The following CEP78 variants were observed in gnomAD, a reference collection of about 807,000 sequenced individuals.
CEP78 encodes the protein centrosomal protein 78.
CEP78 carries 76 observed loss-of-function variants against 81.2 expected under a neutral mutation model. The observed-to-expected ratio is 0.94, with a 90% CI of 0.78 to 1.13. The LOEUF (loss-of-function observed/expected upper bound fraction) is 1.13. CEP78 is among the 50% of genes most tolerant of loss of function. The probability of loss-of-function intolerance (pLI) is 0.00; values close to 1 mark genes in which losing one functional copy is unlikely to be tolerated. For missense variants in CEP78, 918 were observed against 846.8 expected, an observed-to-expected ratio of 1.08 and a Z score of -1.04; for synonymous variants, 293 against 301.4, an observed-to-expected ratio of 0.97 and a Z score of 0.29.
In CEP78 at chr9:78,277,118, G is replaced by T. The variant is rs1028836566; in HGVS notation, c.*6267G>T. On this transcript the variant is annotated 3_prime_UTR_variant, in exon 17 of 17. Coordinates refer to ENST00000643273, the MANE Select transcript of CEP78 (RefSeq NM_001330691.3). Reference sequence around the variant, plus strand: ...GAACTATTCAGTAAATGATGTTGAGGTTATTTACTACTTTTTCTTATTTCA... The same window carrying T: ...GAACTATTCAGTAAATGATGTTGAGTTTATTTACTACTTTTTCTTATTTCA... 13 of 151,888 alleles carry T rather than the reference G, an allele frequency of 8.6e-5. No individual in the cohort carries two copies. The highest frequency in any genetic ancestry group is 3.1e-4 in the African/African-American group (13 of 41,352). The allele number at this position is 151,888 out of a possible 1,614,324, so 9.4% of individuals were successfully genotyped here.
rs1373857779 is a variant in CEP78, at chr9:78,273,727, A to G, written c.*2876A>G. On this transcript the variant is annotated 3_prime_UTR_variant, in exon 17 of 17. Transcript: ENST00000643273. ...GCACCGCTGCACTCCAGCCTGGGCC[A>G]TAGAGGAGACTCCGTCTCAAACAAA... 1 of 152,268 alleles carries G rather than the reference A, an allele frequency of 6.6e-6. No homozygotes were observed. The highest frequency in any genetic ancestry group is 1.5e-5 in the Non-Finnish European group (1 of 68,056). 9.4% of individuals were successfully genotyped at this position (152,268 alleles called of 1,614,324 possible). A position where few individuals can be genotyped will look rare whatever the true frequency, so the allele number is the denominator to read the frequency against.
At chr9:78,252,116 A>T in intron 9 of CEP78, 73 bp downstream of exon 9, 1 of 1,323,716 alleles carries the variant, frequency 7.6e-7, no homozygotes, top group Non-Finnish European at 1.0e-6. Context: ...AGCTTCTATT[A>T]TGTGAGAGTT....
In CEP78 at chr9:78,276,182, T is replaced by A. The variant is rs991524976; in HGVS notation, c.*5331T>A. On this transcript the variant is annotated 3_prime_UTR_variant, in exon 17 of 17. Coordinates refer to ENST00000643273, the MANE Select transcript of CEP78 (RefSeq NM_001330691.3). ...CATTGTAGCAAAAGATATATCATTT[T>A]CAAGGAAGATTTGTACCAAAACATG... is the stretch of plus-strand genomic sequence containing the variant. The A allele has an allele frequency of 1.3e-5, 2 of 152,232 alleles. No homozygotes were observed. The highest frequency in any genetic ancestry group is 2.9e-5 in the Non-Finnish European group (2 of 68,036). The allele number at this position is 152,232 out of a possible 1,614,324, so 9.4% of individuals were successfully genotyped here.
At chr9:78,266,333 A>G (rs573020223) in intron 15 of CEP78, 109 bp from the exon 16 acceptor site, 2 of 848,108 alleles carry the variant, frequency 2.4e-6, no homozygotes, top group Non-Finnish European at 3.6e-6. Flanking sequence ...TAGGGCAAAA[A>G]TGACCTGGAA....
intron 11 of CEP78, among the ~76,000 whole-genome samples, chr9:78,255,325 G>T (rs980389269): frequency 1.3e-5 from 2 of 152,090 alleles, no homozygotes; most frequent in African/African-American, 2.4e-5. Context: ...ATCTTTTTGT[G>T]TGTGCTAGGA....
chr9:78,254,283 G>T (rs147567284), intron 10 of CEP78, among the ~76,000 whole-genome samples: 6 of 152,144 alleles, frequency 3.9e-5, no homozygotes, highest in African/African-American at 1.4e-4. Flanking sequence ...GCTCAGGCTG[G>T]TCTCGAACTT....
rs1827556409 is a variant in CEP78, at chr9:78,266,702, A to G, written c.2106A>G (p.Thr702=). ...CTTCTTCAGAGAAAAAGACCAAAAC[A>G]GGTGAATATACCAAAAAACACTCTG... The part of the protein sequence containing the change: ...SRSSSEKKTK[T]ESH Residue 702 remains threonine (T), a splice_region_variant and synonymous_variant, in exon 16 of 17, where the codon ACA becomes ACG. Coordinates refer to ENST00000643273, the MANE Select transcript of CEP78 (RefSeq NM_001330691.3). The G allele has an allele frequency of 2.5e-6, 4 of 1,612,018 alleles. No individual in the cohort carries two copies. The highest frequency in any genetic ancestry group is 1.1e-5 in the South Asian group (1 of 90,534).
chr9:78,264,704 T>C (rs1827436403), intron 13 of CEP78, among the ~76,000 whole-genome samples: 1 of 152,054 alleles, frequency 6.6e-6, no homozygotes, highest in Non-Finnish European at 1.5e-5. Flanking sequence ...GCTGTGATTC[T>C]TGTTAAAGAC....
At chr9:78,255,412 T>C (rs1341755012) in intron 11 of CEP78, among the ~76,000 whole-genome samples, 4 of 152,156 alleles carry the variant, frequency 2.6e-5, no homozygotes, top group Non-Finnish European at 5.9e-5. Context: ...AATTATCCTT[T>C]TTTTATATAC....
chr9:78,277,223 A>C lies in CEP78; in HGVS notation c.*6372A>C, dbSNP rs1827823085. ...GAAGAAAATACTGGAAAAAAATTGT[A>C]ATAAATGTGTAAGAAAGGCATTCCC... is the stretch of plus-strand genomic sequence containing the variant. On this transcript the variant is annotated 3_prime_UTR_variant, in exon 17 of 17. Transcript: ENST00000643273. The C allele has an allele frequency of 6.6e-6, 1 of 152,144 alleles. No homozygotes were observed. The highest frequency in any genetic ancestry group is 6.6e-5 in the Admixed American group (1 of 15,264). The allele number at this position is 152,144 out of a possible 1,614,324, so 9.4% of individuals were successfully genotyped here. A position where few individuals can be genotyped will look rare whatever the true frequency, so the allele number is the denominator to read the frequency against.
intron 10 of CEP78, among the ~76,000 whole-genome samples, chr9:78,254,181 T>C (rs1404711600): frequency 6.6e-6 from 1 of 152,294 alleles, no homozygotes; most frequent in Admixed American, 6.5e-5. Flanking sequence ...GATGAGGTTT[T>C]TGATGTCTCA....
At chr9:78,263,036 T>A in intron 12 of CEP78, 52 bp downstream of exon 12, 3 of 1,090,804 alleles carry the variant, frequency 2.8e-6, no homozygotes, top group Non-Finnish European at 4.0e-6. Context: ...GGTTTTGGTT[T>A]AACTTTAAGT....
At position 78,241,779 on chromosome 9, in the gene CEP78, C is replaced by A. The variant is rs775163853; in HGVS notation, c.583C>A (p.His195Asn). ...GCNLTWQGAD[H>N]MAKILKYQTM... ...TAATCTGACATGGCAGGGAGCAGAT[C>A]ACATGGCCAAGATCTTAAAGGTAAC... The change falls in exon 4 of 17, where the codon CAC (histidine) becomes AAC (asparagine). Residue 195 changes from histidine (H) to asparagine (N), a missense_variant. Coordinates refer to ENST00000643273, the MANE Select transcript of CEP78 (RefSeq NM_001330691.3). 2 of 1,598,136 alleles carry A rather than the reference C, an allele frequency of 1.3e-6. No individual in the cohort carries two copies. The highest frequency in any genetic ancestry group is 1.7e-6 in the Non-Finnish European group (2 of 1,166,212).
At chr9:78,236,711 C>T in intron 1 of CEP78, 108 bp downstream of exon 1, 2 of 1,400,884 alleles carry the variant, frequency 1.4e-6, no homozygotes, top group East Asian at 2.6e-5. Flanking sequence ...GGTGTGCGGC[C>T]TGGACACTCA....
intron 3 of CEP78, among the ~76,000 whole-genome samples, 159 bp downstream of exon 3, chr9:78,240,523 C>G (rs545150107): frequency 1.4e-4 from 21 of 152,200 alleles, no homozygotes; most frequent in Non-Finnish European, 2.4e-4. Context: ...GCTTGGCATG[C>G]TGAATGTAAT....
chr9:78,254,853 G>A lies in CEP78; in HGVS notation c.1269G>A (p.Val423=). 1 of 1,610,428 alleles carries A rather than the reference G, an allele frequency of 6.2e-7. No homozygotes were observed. The highest frequency in any genetic ancestry group is 8.5e-7 in the Non-Finnish European group (1 of 1,177,908). The change falls in exon 11 of 17, where the codon GTG becomes GTA. Residue 423 remains valine, a synonymous_variant. Transcript: ENST00000643273. ...CNQLQQPGFP[V]TVTVESPSSS... ...TTTTTAAGCAACCAGGTTTTCCTGT[G>A]ACTGTGACAGTAGAGAGTCCTTCAT...
intron 4 of CEP78, among the ~76,000 whole-genome samples, chr9:78,242,964 A>T (rs1826303240): frequency 6.6e-6 from 1 of 152,308 alleles, no homozygotes; most frequent in East Asian, 1.9e-4. Context: ...CATTTAAAAA[A>T]TACCTATTGT....
At position 78,271,578 on chromosome 9, in the gene CEP78, A is replaced by G. The variant is rs1179151302; in HGVS notation, c.*727A>G. 2 of 152,252 alleles carry G rather than the reference A, an allele frequency of 1.3e-5. No homozygotes were observed. Among genetic ancestry groups the G allele is most frequent in the Non-Finnish European group, 2.9e-5 (2 of 68,044 alleles). 9.4% of individuals were successfully genotyped at this position (152,252 alleles called of 1,614,324 possible). On this transcript the variant is annotated 3_prime_UTR_variant, in exon 17 of 17. Transcript: ENST00000643273. ...ATGGATTCATTTGAAGCTTAAATTC[A>G]TGAAATGGAAGGTATTAATTGGTCT...
intron 11 of CEP78, among the ~76,000 whole-genome samples, chr9:78,256,709 G>A (rs1827052684): frequency 6.6e-6 from 1 of 151,358 alleles, no homozygotes; most frequent in African/African-American, 2.4e-5. Flanking sequence ...TGAGAGTTGA[G>A]TAAAACTCAC....
Sources: gnomAD v4.1 joint callset for allele counts (sites outside exome capture counted in the v4.1 genomes callset) on GRCh38, gnomAD v4.1.1 for gene constraint, MANE v1.5 for transcripts, NCBI Gene and HGNC (gene_info 2026-07-23, HGNC 2026-07-21) for gene names.